The following SLC1A1 variants were observed in gnomAD, a reference collection of about 807,000 sequenced individuals.
SLC1A1 encodes solute carrier family 1 member 1, also known as excitatory amino acid transporter 3.
SLC1A1 carries 43 observed loss-of-function variants against 53.3 expected under a neutral mutation model. The observed-to-expected ratio is 0.81, with a 90% confidence interval of 0.63 to 1.04. SLC1A1 has a LOEUF of 1.04. SLC1A1 is among the 50% of genes least tolerant of loss of function. SLC1A1 has a pLI of 0.00. For synonymous variants in SLC1A1, 307 were observed against 243.2 expected, an observed-to-expected ratio of 1.26 and a Z score of -2.44; for missense variants, 748 against 664.9, an observed-to-expected ratio of 1.12 and a Z score of -1.37.
intron 1 of SLC1A1, among the ~76,000 whole-genome samples, chr9:4,503,569 G>T (rs1428916907): frequency 6.6e-6 from 1 of 151,790 alleles, no homozygotes; most frequent in Non-Finnish European, 1.5e-5. Flanking sequence ...CCTTGAGCAG[G>T]TGTGGTAGGA....
At chr9:4,490,824 C>T in intron 1 of SLC1A1, 54 bp downstream of exon 1, 3 of 1,471,902 alleles carry the variant, frequency 2.0e-6, no homozygotes, top group Non-Finnish European at 2.8e-6. Context: ...TCTCTGCGCC[C>T]AGGCCGCGTG....
chr9:4,528,669 G>A (rs1816355169), intron 1 of SLC1A1, among the ~76,000 whole-genome samples: 3 of 152,156 alleles, frequency 2.0e-5, no homozygotes, highest in Admixed American at 1.3e-4. Flanking sequence ...AATTGGTTGA[G>A]GATCTAAGGT....
intron 2 of SLC1A1, among the ~76,000 whole-genome samples, chr9:4,553,128 A>G (rs146031999): frequency 6.6e-6 from 1 of 152,264 alleles, no homozygotes; most frequent in Non-Finnish European, 1.5e-5. Flanking sequence ...CTGAGCCATT[A>G]GCTAGCTGCT....
intron 1 of SLC1A1, among the ~76,000 whole-genome samples, chr9:4,501,147 AG>A (rs1313707188): frequency 3.4e-5 from 5 of 148,202 alleles, no homozygotes; most frequent in African/African-American, 1.3e-4. Context: ...ATGTCTAGGA[AG>A]GCTCTTGATA....
At chr9:4,569,219 G>C (rs556930703) in intron 6 of SLC1A1, among the ~76,000 whole-genome samples, 3 of 152,224 alleles carry the variant, frequency 2.0e-5, no homozygotes, top group South Asian at 2.1e-4. Context: ...TCTCTGCCCA[G>C]ATGTAATTCA....
chr9:4,511,673 AG>A (rs1287268027), intron 1 of SLC1A1, among the ~76,000 whole-genome samples: 1 of 152,122 alleles, frequency 6.6e-6, no homozygotes, highest in Non-Finnish European at 1.5e-5. Context: ...AATAAGGCAA[AG>A]GTGTCCATTC....
At chr9:4,547,056 G>A (rs563941191) in intron 2 of SLC1A1, among the ~76,000 whole-genome samples, 13 of 152,208 alleles carry the variant, frequency 8.5e-5, no homozygotes, top group Non-Finnish European at 1.2e-4. Flanking sequence ...ATACATGTAT[G>A]AATGTCTAAT....
In SLC1A1 at chr9:4,549,947, C is replaced by A. The variant is rs1243074739; in HGVS notation, c.232+5240C>A. ...CTGTGATGTCGCAGCTCTGGATTTC[C>A]TAAAAACGCCTGCTCAAACAAGGGC... On this transcript the variant is annotated intron_variant, in intron 2 of 11. Transcript: ENST00000262352. The surrounding 1 kb of genome is among the most constrained non-coding windows in gnomAD (Gnocchi z 4.1). Among the ~76,000 whole-genome samples the A allele has an allele frequency of 6.6e-6, 1 of 152,112 alleles. No individual in the cohort carries two copies. Among genetic ancestry groups the A allele is most frequent in the Admixed American group, 6.5e-5 (1 of 15,268 alleles).
intron 2 of SLC1A1, among the ~76,000 whole-genome samples, chr9:4,545,498 G>T (rs1332515648): frequency 6.6e-6 from 1 of 152,204 alleles, no homozygotes; most frequent in African/African-American, 2.4e-5. Context: ...CATGTTTTCA[G>T]CCATTCACTC....
rs374526749 is a variant in SLC1A1, at chr9:4,558,397, T to C, written c.233-3052T>C. On this transcript the variant is annotated intron_variant, in intron 2 of 11. Transcript: ENST00000262352. The stretch of plus-strand genomic sequence containing the variant: ...AAGTATAATCGTTGATTTGTGTAAA[T>C]ATCTGATATATCCGGGAAATTGGTA... Among the ~76,000 whole-genome samples the C allele has an allele frequency of 9.2e-4, 140 of 152,248 alleles. 3 individuals are homozygous for C. In the South Asian group the frequency reaches 0.028, roughly 30 times the overall value.
chr9:4,534,865 T>G (rs201855035), intron 1 of SLC1A1, among the ~76,000 whole-genome samples: 1 of 152,138 alleles, frequency 6.6e-6, no homozygotes, highest in Admixed American at 6.5e-5. Flanking sequence ...CACCATGATC[T>G]AGTGGGATTC....
chr9:4,522,151 G>A (rs10119479), intron 1 of SLC1A1, among the ~76,000 whole-genome samples: 96,136 of 149,942 alleles, frequency 0.64, 30,936 homozygotes, highest in Middle Eastern at 0.69. Flanking sequence ...TCCTGGGTTC[G>A]TGCCATTCTC....
Position 4,564,402 on chromosome 9 carries a change from G to A in SLC1A1, c.384G>A (p.Ala128=), listed in dbSNP as rs771963994. The change falls in exon 4 of 12, where the codon GCG becomes GCA. Residue 128 remains alanine (A), a synonymous_variant. Coordinates refer to ENST00000262352, the MANE Select transcript of SLC1A1 (RefSeq NM_004170.6). ...TCACCCAGAAAGTGGGTGAAATTGC[G>A]AGGACAGGCAGCACCCCTGAAGTCA... is the stretch of plus-strand genomic sequence containing the variant. ...PGVTQKVGEI[A]RTGSTPEVST... 4.3e-6 allele frequency: 7 copies of A among 1,613,760 alleles called. No individual in the cohort carries two copies. In the South Asian group the frequency reaches 4.4e-5, roughly 10 times the overall value.
intron 1 of SLC1A1, among the ~76,000 whole-genome samples, chr9:4,524,908 C>T (rs973097907): frequency 6.6e-6 from 1 of 152,100 alleles, no homozygotes; most frequent in African/African-American, 2.4e-5. Flanking sequence ...TAGCACCAAA[C>T]TATTCATGAG....
chr9:4,537,867 A>G (rs998323805), intron 1 of SLC1A1, among the ~76,000 whole-genome samples: 6 of 152,184 alleles, frequency 3.9e-5, no homozygotes, highest in African/African-American at 1.4e-4. Flanking sequence ...ACAACATTGT[A>G]TGTTAAAAAC....
At chr9:4,554,150 T>C (rs915832613) in intron 2 of SLC1A1, 5 of 152,208 alleles carry the variant, frequency 3.3e-5, no homozygotes, top group Non-Finnish European at 7.3e-5. Flanking sequence ...TTAAGCCACT[T>C]TTTCAAGATC....
rs193243654 is a variant in SLC1A1, at chr9:4,556,532, C to A, written c.233-4917C>A. On this transcript the variant is annotated intron_variant, in intron 2 of 11. Coordinates refer to ENST00000262352, the MANE Select transcript of SLC1A1 (RefSeq NM_004170.6). This position sits in a 1 kb window ranked among gnomAD's most constrained non-coding sequence, Gnocchi z 4.1. ...GAGGGGGTCCTTCAGACCTCGCCAG[C>A]CACCAAAGATGGCCTGAGAGCAAGA... Among the ~76,000 whole-genome samples the A allele has an allele frequency of 3.3e-5, 5 of 152,130 alleles. No homozygotes were observed. Among genetic ancestry groups the A allele is most frequent in the Non-Finnish European group, 7.4e-5 (5 of 68,024 alleles).
chr9:4,544,644 G>T lies in SLC1A1; in HGVS notation c.169G>T (p.Glu57Ter). 1.2e-6 allele frequency: 2 copies of T among 1,613,754 alleles called. No individual in the cohort carries two copies. The highest frequency in any genetic ancestry group is 1.7e-6 in the Non-Finnish European group (2 of 1,179,718). Residue 57 changes from glutamate (E) to a stop codon, truncating the protein, a stop_gained, in exon 2 of 12, where the codon GAA becomes TAA. Coordinates refer to ENST00000262352, the MANE Select transcript of SLC1A1 (RefSeq NM_004170.6). LOFTEE classifies it high-confidence loss of function. ...LEKFYFAFPG[E>*]ILMRMLKLII... The stretch of plus-strand genomic sequence containing the variant: ...GAAATTCTACTTTGCTTTTCCTGGA[G>T]AAATTCTAATGCGGATGCTGAAACT...
Position 4,586,779 on chromosome 9 carries a change from AG to A in SLC1A1, c.*1222del, listed in dbSNP as rs1375331545. ...CTTCCCCTAACCTGGGTTGTTGCAG[AG>A]TAAATCCCACGACATAAGCTGGTAT... On this transcript the variant is annotated 3_prime_UTR_variant, in exon 12 of 12. Transcript: ENST00000262352. 7 of 152,224 alleles carry A rather than the reference AG, an allele frequency of 4.6e-5. No homozygotes were observed. The highest frequency in any genetic ancestry group is 1.7e-4 in the African/African-American group (7 of 41,452). 9.4% of individuals were successfully genotyped at this position (152,224 alleles called of 1,614,324 possible). A position where few individuals can be genotyped will look rare whatever the true frequency, so the allele number is the denominator to read the frequency against.
Sources: allele counts gnomAD v4.1 joint callset (sites outside exome capture counted in the v4.1 genomes callset), GRCh38; gene constraint gnomAD v4.1.1; non-coding constraint Gnocchi (gnomAD v3.1); transcripts MANE v1.5; gene names NCBI Gene and HGNC (gene_info 2026-07-23, HGNC 2026-07-21).